DNAJC10: variants seen among roughly 807,000 people sequenced by gnomAD.
DNAJC10 encodes the protein DnaJ heat shock protein family (Hsp40) member C10.
Under a neutral mutation model 115.0 loss-of-function variants are expected in DNAJC10, and 101 were observed. That is an observed-to-expected ratio of 0.88 (90% confidence interval 0.75 to 1.04). The LOEUF is 1.04. DNAJC10 is among the 50% of genes least tolerant of loss of function. DNAJC10 has a pLI of 0.00. For synonymous variants in DNAJC10, 307 were observed against 301.5 expected (o/e 1.02, Z -0.19); for missense variants, 981 against 928.8 (o/e 1.06, Z -0.73).
chr2:182,722,426 G>T (rs1201261073), intron 5 of DNAJC10, among the ~76,000 whole-genome samples: 2 of 152,118 alleles, frequency 1.3e-5, no homozygotes, highest in Admixed American at 6.5e-5. Flanking sequence ...TTTGGAAGTA[G>T]ATTTAATTTG....
rs1248826355 is a variant in DNAJC10, at chr2:182,779,589, A to G, written c.*2457A>G. On this transcript the variant is annotated 3_prime_UTR_variant, in exon 24 of 24. Coordinates refer to ENST00000264065, the MANE Select transcript of DNAJC10 (RefSeq NM_018981.4). The stretch of plus-strand genomic sequence containing the variant: ...GCAAGACCCCATCTCTAATAAATAA[A>G]TTATGTTTTGGGCATTAATGATGTT... 6.6e-6 allele frequency: 1 copy of G among 152,130 alleles called. No individual in the cohort carries two copies. Among genetic ancestry groups the G allele is most frequent in the African/African-American group, 2.4e-5 (1 of 41,416 alleles). The allele number at this position is 152,130 out of a possible 1,614,324, so 9.4% of individuals were successfully genotyped here.
At position 182,718,271 on chromosome 2, in the gene DNAJC10, T is replaced by G; in HGVS notation, c.185T>G (p.Leu62Ter). Residue 62 changes from leucine to a stop codon, truncating the protein, a stop_gained, in exon 3 of 24, where the codon TTA becomes TGA. Coordinates refer to ENST00000264065, the MANE Select transcript of DNAJC10 (RefSeq NM_018981.4). LOFTEE classifies it high-confidence loss of function. ...GCTTTCAAGAAATTGGCATTGAAGTTACATCCTGATAAAAACCCGGTAGGT... is the reference window on the plus strand; with the variant it reads ...GCTTTCAAGAAATTGGCATTGAAGTGACATCCTGATAAAAACCCGGTAGGT... The part of the protein sequence containing the change: ...RQAFKKLALK[L>*]HPDKNPNNPN... 1 of 1,604,214 alleles carries G rather than the reference T, an allele frequency of 6.2e-7. No individual in the cohort carries two copies. Among genetic ancestry groups the G allele is most frequent in the Non-Finnish European group, 8.5e-7 (1 of 1,176,962 alleles).
At chr2:182,739,571 C>A in intron 11 of DNAJC10, 1 of 1,220,676 alleles carries the variant, frequency 8.2e-7, no homozygotes, top group Non-Finnish European at 1.1e-6. Flanking sequence ...ATCAGACCAG[C>A]AGAGAGAGAG....
chr2:182,731,593 C>T (rs780016040), intron 9 of DNAJC10, among the ~76,000 whole-genome samples: 8 of 152,130 alleles, frequency 5.3e-5, no homozygotes, highest in African/African-American at 9.7e-5. Context: ...CAGTACTCTG[C>T]ATAGCAAGCC....
intron 7 of DNAJC10, 26 bp downstream of exon 7, chr2:182,729,020 A>T (rs1693368022): frequency 6.2e-7 from 1 of 1,608,748 alleles, no homozygotes; most frequent in South Asian, 1.1e-5. Flanking sequence ...AGCATTTTTT[A>T]AATTTGTGAA....
chr2:182,766,012 C>T (rs940619382), intron 22 of DNAJC10, among the ~76,000 whole-genome samples: 6 of 152,036 alleles, frequency 3.9e-5, no homozygotes, highest in African/African-American at 7.2e-5. Context: ...AAATTTAAAA[C>T]GTTTAAAGGG....
intron 22 of DNAJC10, among the ~76,000 whole-genome samples, chr2:182,768,131 C>T (rs1221650636): frequency 6.6e-6 from 1 of 152,046 alleles, no homozygotes; most frequent in Non-Finnish European, 1.5e-5. Flanking sequence ...AATTGCCACA[C>T]ATCTAGATTT....
chr2:182,756,472 ATAGTAAAAATAGTTTATTTT>A lies in DNAJC10; in HGVS notation c.1809+4_1809+23del. ...CAGAATGGAAAAGAATGGCCCGGGT[ATAGTAAAAATAGTTTATTTT>A]AAATCTTAACATTTACTAAGAATGT... On this transcript the variant is annotated splice_donor_5th_base_variant and intron_variant, in intron 18 of 23. Coordinates refer to ENST00000264065, the MANE Select transcript of DNAJC10 (RefSeq NM_018981.4). 1 of 1,599,186 alleles carries A rather than the reference ATAGTAAAAATAGTTTATTTT, an allele frequency of 6.3e-7. No homozygotes were observed. The highest frequency in any genetic ancestry group is 1.1e-5 in the South Asian group (1 of 88,016).
At chr2:182,739,525 T>C (rs1214739919) in intron 11 of DNAJC10, 2 of 1,213,062 alleles carry the variant, frequency 1.6e-6, no homozygotes, top group African/African-American at 1.6e-5. Context: ...TAACCATTGC[T>C]GCATTCTTTA....
chr2:182,721,185 A>C (rs1693141634), intron 4 of DNAJC10, among the ~76,000 whole-genome samples: 1 of 152,152 alleles, frequency 6.6e-6, no homozygotes, highest in South Asian at 2.1e-4. Flanking sequence ...AGACTAAATG[A>C]AGTATTTTAA....
chr2:182,776,011 G>T (rs901965758), intron 23 of DNAJC10, among the ~76,000 whole-genome samples: 1 of 152,026 alleles, frequency 6.6e-6, no homozygotes, highest in Non-Finnish European at 1.5e-5. Flanking sequence ...TTTATTTTGG[G>T]AATATGGAAA....
Position 182,782,753 on chromosome 2 carries a change from T to C in DNAJC10, c.*5621T>C, listed in dbSNP as rs1217810733. On this transcript the variant is annotated 3_prime_UTR_variant, in exon 24 of 24. Transcript: ENST00000264065. ...TGGTGTATAGGAATGCTTGTGATTT[T>C]TGCACATTAATTTTGTATCCTGAGA... The C allele has an allele frequency of 1.3e-5, 2 of 152,236 alleles. No homozygotes were observed. Among genetic ancestry groups the C allele is most frequent in the Admixed American group, 6.5e-5 (1 of 15,282 alleles). 9.4% of individuals were successfully genotyped at this position (152,236 alleles called of 1,614,324 possible). A position where few individuals can be genotyped will look rare whatever the true frequency, so the allele number is the denominator to read the frequency against.
Position 182,758,843 on chromosome 2 carries a change from C to A in DNAJC10, c.1950C>A (p.Tyr650Ter), listed in dbSNP as rs760881822. Residue 650 changes from tyrosine to a stop codon, truncating the protein, a stop_gained, in exon 20 of 24, where the codon TAC becomes TAA. Coordinates refer to ENST00000264065, the MANE Select transcript of DNAJC10 (RefSeq NM_018981.4). LOFTEE classifies it high-confidence loss of function. ...KSNKAYHYHS[Y>*]NGWNRDAYSL... is the part of the protein sequence containing the mutation. ...ACATTTTTTCTTCTCTCAGCAGTTACAATGGTTGGAATAGGGATGCTTATT... is the reference window on the plus strand; with the variant it reads ...ACATTTTTTCTTCTCTCAGCAGTTAAAATGGTTGGAATAGGGATGCTTATT... 3 of 1,606,182 alleles carry A rather than the reference C, an allele frequency of 1.9e-6. No homozygotes were observed. The highest frequency in any genetic ancestry group is 1.3e-5 in the African/African-American group (1 of 74,778).
rs1456682861 is a variant in DNAJC10, at chr2:182,783,887, C to CTA, written c.*6758_*6759dup. The CTA allele has an allele frequency of 6.6e-6, 1 of 152,010 alleles. No homozygotes were observed. Among genetic ancestry groups the CTA allele is most frequent in the African/African-American group, 2.4e-5 (1 of 41,378 alleles). 9.4% of individuals were successfully genotyped at this position (152,010 alleles called of 1,614,324 possible). A position where few individuals can be genotyped will look rare whatever the true frequency, so the allele number is the denominator to read the frequency against. Reference sequence around the variant, plus strand: ...TGAATAACATGATCTATCAAAAGGCCTATAATCTCAATCTTCATGTTAAGA... The same window carrying CTA: ...TGAATAACATGATCTATCAAAAGGCCTATATAATCTCAATCTTCATGTTAAGA... On this transcript the variant is annotated 3_prime_UTR_variant, in exon 24 of 24. Coordinates refer to ENST00000264065, the MANE Select transcript of DNAJC10 (RefSeq NM_018981.4).
chr2:182,740,267 A>G (rs1157288789), intron 11 of DNAJC10, 32 bp from the exon 12 acceptor site: 8 of 1,321,138 alleles, frequency 6.1e-6, no homozygotes, highest in Non-Finnish European at 7.1e-6. Flanking sequence ...ATATTTATTC[A>G]AAAAGATTAC....
At chr2:182,730,134 A>G (rs1378276684) in intron 8 of DNAJC10, among the ~76,000 whole-genome samples, 193 bp downstream of exon 8, 2 of 152,186 alleles carry the variant, frequency 1.3e-5, no homozygotes, top group Non-Finnish European at 2.9e-5. Context: ...TTTTACAGAA[A>G]CTTGAACTAT....
intron 9 of DNAJC10, 135 bp downstream of exon 9, chr2:182,731,242 C>G: frequency 1.7e-6 from 1 of 585,470 alleles, no homozygotes; most frequent in South Asian, 2.7e-5. Context: ...AATTTTTTTA[C>G]TTAATGAATA....
intron 22 of DNAJC10, 95 bp downstream of exon 22, chr2:182,762,896 C>T: frequency 7.5e-7 from 1 of 1,326,696 alleles, no homozygotes; most frequent in Non-Finnish European, 1.0e-6. Flanking sequence ...TTTTCTCATC[C>T]TTGTCATTTT....
intron 16 of DNAJC10, among the ~76,000 whole-genome samples, chr2:182,753,568 T>C (rs1029364377): frequency 1.4e-5 from 2 of 147,148 alleles, no homozygotes; most frequent in African/African-American, 2.5e-5. Context: ...AATTTTAATT[T>C]CTTTAGTTTA....
Sources: gnomAD v4.1 joint callset for allele counts (sites outside exome capture counted in the v4.1 genomes callset) on GRCh38, gnomAD v4.1.1 for gene constraint, MANE v1.5 for transcripts, NCBI Gene and HGNC (gene_info 2026-07-23, HGNC 2026-07-21) for gene names.